The following SHISA6 variants were observed in gnomAD, a reference collection of about 807,000 sequenced individuals.
SHISA6 encodes the protein shisa family member 6.
Under a neutral mutation model 47.9 loss-of-function variants are expected in SHISA6, and 22 were observed. The observed-to-expected ratio is 0.46, with a 90% CI of 0.33 to 0.66. The LOEUF is 0.66. SHISA6 is among the 30% of genes least tolerant of loss of function. The probability of loss-of-function intolerance (pLI) is 0.02; values close to 1 mark genes in which losing one functional copy is unlikely to be tolerated. For missense variants in SHISA6, 680 were observed against 764.6 expected, an observed-to-expected ratio of 0.89 and a Z score of 1.30; for synonymous variants, 388 against 337.8, an observed-to-expected ratio of 1.15 and a Z score of -1.63.
chr17:11,544,689 G>A (rs527922851), intron 3 of SHISA6, among the ~76,000 whole-genome samples: 43 of 152,188 alleles, frequency 2.8e-4, no homozygotes, highest in African/African-American at 9.1e-4. Flanking sequence ...GGCCGGGTGC[G>A]GTGGCTCACA....
intron 3 of SHISA6, among the ~76,000 whole-genome samples, chr17:11,408,151 C>T (rs768647131): frequency 3.3e-5 from 5 of 151,626 alleles, no homozygotes; most frequent in Admixed American, 6.6e-5. Flanking sequence ...TGTACTTCTT[C>T]GAAAAAAAGT....
chr17:11,392,222 T>C (rs1913409149), intron 3 of SHISA6, among the ~76,000 whole-genome samples: 1 of 152,194 alleles, frequency 6.6e-6, no homozygotes, highest in South Asian at 2.1e-4. Context: ...AATGGTTTTC[T>C]GGTTTTTCAC....
At chr17:11,382,148 C>T (rs959669682) in intron 3 of SHISA6, among the ~76,000 whole-genome samples, 2 of 152,168 alleles carry the variant, frequency 1.3e-5, no homozygotes, top group African/African-American at 4.8e-5. Flanking sequence ...TCATAGCTCA[C>T]TATAACCTCG....
intron 2 of SHISA6, among the ~76,000 whole-genome samples, chr17:11,278,073 A>G (rs1908985851): frequency 6.6e-6 from 1 of 152,134 alleles, no homozygotes; most frequent in Non-Finnish European, 1.5e-5. Context: ...TTCTACCACA[A>G]ACCGTTGGTA....
chr17:11,470,860 T>C lies in SHISA6; in HGVS notation c.896-81036T>C, dbSNP rs144201253. 1.1e-4 allele frequency among the ~76,000 whole-genome samples: 16 copies of C among 152,136 alleles called. No individual in the cohort carries two copies. The East Asian group carries it at 2.3e-3, about 22-fold the overall frequency. Reference sequence around the variant, plus strand: ...ATAGGTTAGGGGGACTAACAAGGGATAATGCAGTCCCCAGGGTCTGACAGT... The same window carrying C: ...ATAGGTTAGGGGGACTAACAAGGGACAATGCAGTCCCCAGGGTCTGACAGT... On this transcript the variant is annotated intron_variant, in intron 3 of 5. Transcript: ENST00000441885.
intron 3 of SHISA6, among the ~76,000 whole-genome samples, chr17:11,535,737 T>C (rs546543462): frequency 6.6e-6 from 1 of 152,342 alleles, no homozygotes; most frequent in South Asian, 2.1e-4. Flanking sequence ...GTTCAGCTAC[T>C]TATTTTTTGC....
rs1465580087 is a variant in SHISA6 at position 11,545,770 on chromosome 17, G to A, written c.896-6126G>A. On this transcript the variant is annotated intron_variant, in intron 3 of 5. Coordinates refer to ENST00000441885, the MANE Select transcript of SHISA6 (RefSeq NM_207386.4). ...CTTGTCCCCTCACAGGGCTGGCAGT[G>A]GATGTTGGCTGTCAACTGAGACCTC... 2.0e-5 allele frequency among the ~76,000 whole-genome samples: 3 copies of A among 152,194 alleles called. No individual in the cohort carries two copies. The East Asian group carries it at 5.8e-4, about 29-fold the overall frequency.
At chr17:11,377,256 C>T (rs1209382276) in intron 2 of SHISA6, among the ~76,000 whole-genome samples, 2 of 152,144 alleles carry the variant, frequency 1.3e-5, no homozygotes, top group Non-Finnish European at 2.9e-5. Flanking sequence ...GCATGAACCA[C>T]CACCCCCAGC....
intron 1 of SHISA6, among the ~76,000 whole-genome samples, chr17:11,245,385 G>T (rs555463394): frequency 1.2e-4 from 18 of 152,298 alleles, no homozygotes; most frequent in African/African-American, 4.1e-4. Context: ...CACAGATTTT[G>T]CTATTTCCTG....
At chr17:11,436,451 T>C (rs1337353182) in intron 3 of SHISA6, among the ~76,000 whole-genome samples, 3 of 152,250 alleles carry the variant, frequency 2.0e-5, no homozygotes, top group Non-Finnish European at 4.4e-5. Flanking sequence ...AGTTATATTA[T>C]TCTCTTGGAA....
At chr17:11,246,625 A>C (rs1907604093) in intron 1 of SHISA6, among the ~76,000 whole-genome samples, 1 of 152,182 alleles carries the variant, frequency 6.6e-6, no homozygotes. Flanking sequence ...AAAGGAGGAA[A>C]GCAATCCAGT....
chr17:11,440,840 C>G (rs1164174023), intron 3 of SHISA6, among the ~76,000 whole-genome samples: 1 of 151,828 alleles, frequency 6.6e-6, no homozygotes, highest in East Asian at 2.0e-4. Context: ...CTTGCTACTG[C>G]AGACACTCCC....
chr17:11,496,631 C>T (rs1237576336), intron 3 of SHISA6, among the ~76,000 whole-genome samples: 5 of 151,700 alleles, frequency 3.3e-5, no homozygotes, highest in East Asian at 3.9e-4. Flanking sequence ...CCCAGCTACT[C>T]GGGAGGCTGA....
At chr17:11,358,580 C>G (rs191959887) in intron 2 of SHISA6, among the ~76,000 whole-genome samples, 31 of 151,690 alleles carry the variant, frequency 2.0e-4, no homozygotes, top group Admixed American at 6.6e-5. Context: ...AGGATGGTCT[C>G]GATCTCCTGA....
chr17:11,302,165 GA>G (rs1909950344), intron 2 of SHISA6, among the ~76,000 whole-genome samples: 1 of 152,176 alleles, frequency 6.6e-6, no homozygotes, highest in South Asian at 2.1e-4. Context: ...TTCAAATTGA[GA>G]TTTGGGTGGG....
At chr17:11,404,943 GCCTC>G (rs1913900228) in intron 3 of SHISA6, among the ~76,000 whole-genome samples, 1 of 152,066 alleles carries the variant, frequency 6.6e-6, no homozygotes, top group Non-Finnish European at 1.5e-5. Flanking sequence ...AGTACTGTCT[GCCTC>G]CCTCCATTCC....
At chr17:11,259,053 GTGTT>G (rs1469281210) in intron 1 of SHISA6, among the ~76,000 whole-genome samples, 2 of 152,006 alleles carry the variant, frequency 1.3e-5, no homozygotes, top group East Asian at 1.9e-4. Flanking sequence ...GATGGATAGA[GTGTT>G]GGATGGATGG....
intron 2 of SHISA6, among the ~76,000 whole-genome samples, chr17:11,279,552 G>A (rs974432617): frequency 1.2e-4 from 19 of 152,064 alleles, no homozygotes; most frequent in African/African-American, 3.6e-4. Flanking sequence ...TTCCTAAGAG[G>A]CTGTTACATG....
intron 3 of SHISA6, among the ~76,000 whole-genome samples, chr17:11,537,358 C>CG (rs201362821): frequency 2.6e-5 from 4 of 151,912 alleles, no homozygotes; most frequent in Admixed American, 1.3e-4. Flanking sequence ...TGGGTGGCGG[C>CG]GGGGGGGATC....
Sources: allele counts gnomAD v4.1 joint callset (sites outside exome capture counted in the v4.1 genomes callset), GRCh38; gene constraint gnomAD v4.1.1; transcripts MANE v1.5; gene names NCBI Gene and HGNC (gene_info 2026-07-23, HGNC 2026-07-21).